The following ZNF846 variants were observed in gnomAD, a reference collection of about 807,000 sequenced individuals.
The protein encoded by ZNF846 is zinc finger protein 420 pseudogene.
A neutral mutation model predicts 16.0 loss-of-function variants in ZNF846; 15 were observed. The ratio of observed to expected loss-of-function variants is 0.94; its 90% confidence interval spans 0.63 to 1.45. ZNF846 has a LOEUF of 1.45. ZNF846 is among the 40% of genes most tolerant of loss of function. ZNF846 has a pLI of 0.00. For synonymous variants in ZNF846, 229 were observed against 212.0 expected (o/e 1.08, Z -0.70); for missense variants, 714 against 622.3 (o/e 1.15, Z -1.57).
intron 1 of ZNF846, chr19:9,774,558 C>T: frequency 6.7e-7 from 1 of 1,490,312 alleles, no homozygotes; most frequent in Non-Finnish European, 9.4e-7. Context: ...GGATGAAAAA[C>T]TTCCCGTAAC....
At chr19:9,771,768 CT>C (rs920913316), upstream of ZNF846, among the ~76,000 whole-genome samples, 77 of 145,038 alleles carry the variant, frequency 5.3e-4, no homozygotes, top group South Asian at 8.7e-4. Context: ...TGCAAGTGTC[CT>C]TTTTTTTTTT....
At chr19:9,775,246 A>C (rs2045428182) in intron 1 of ZNF846, among the ~76,000 whole-genome samples, 1 of 151,702 alleles carries the variant, frequency 6.6e-6, no homozygotes, top group Non-Finnish European at 1.5e-5. Context: ...TAAAAAACCA[A>C]ACTTTTTAAT....
At chr19:9,777,124 AGAAC>A (rs1192719386) in intron 1 of ZNF846, among the ~76,000 whole-genome samples, 1 of 150,650 alleles carries the variant, frequency 6.6e-6, no homozygotes, top group African/African-American at 2.5e-5. Flanking sequence ...AAGAAGAAGA[AGAAC>A]GAAAGAAAAC....
downstream of ZNF846, among the ~76,000 whole-genome samples, chr19:9,754,314 T>C (rs918196722): frequency 2.6e-5 from 4 of 151,450 alleles, no homozygotes; most frequent in African/African-American, 9.8e-5. Flanking sequence ...CCTGTAATCC[T>C]AGCACTTTGG....
chr19:9,763,644 T>C (rs2045266995), intron 2 of ZNF846, among the ~76,000 whole-genome samples: 1 of 152,240 alleles, frequency 6.6e-6, no homozygotes, highest in Non-Finnish European at 1.5e-5. Context: ...CTTCTGGCCT[T>C]AGTCCTCCTC....
At chr19:9,778,898 C>T (rs1275555646) in intron 1 of ZNF846, among the ~76,000 whole-genome samples, 1 of 151,800 alleles carries the variant, frequency 6.6e-6, no homozygotes. Flanking sequence ...CCCAACTCAG[C>T]CTCCCCAGTA....
intron 3 of ZNF846, among the ~76,000 whole-genome samples, chr19:9,763,080 C>G (rs546238379): frequency 2.7e-4 from 41 of 151,008 alleles, no homozygotes; most frequent in African/African-American, 9.5e-4. Context: ...GGAGGGGGGG[C>G]TTTGCAGTAA....
intron 1 of ZNF846, among the ~76,000 whole-genome samples, chr19:9,783,853 C>T (rs1056854956): frequency 2.6e-5 from 4 of 151,752 alleles, no homozygotes; most frequent in Non-Finnish European, 4.4e-5. Flanking sequence ...CTATGCTTGG[C>T]TAATTTTTAT....
intron 2 of ZNF846, 30 bp from the exon 3 acceptor site, chr19:9,763,438 C>A: frequency 6.4e-7 from 1 of 1,566,778 alleles, no homozygotes; most frequent in Non-Finnish European, 8.6e-7. Context: ...CCAGCTTCAG[C>A]TAAGTACCAT....
chr19:9,780,804 C>T (rs934383122), intron 1 of ZNF846, among the ~76,000 whole-genome samples: 4 of 152,176 alleles, frequency 2.6e-5, no homozygotes, highest in African/African-American at 9.7e-5. Context: ...AGACTCCAGA[C>T]ATACCAAAAT....
At chr19:9,781,587 C>A (rs1035011903) in intron 1 of ZNF846, among the ~76,000 whole-genome samples, 1 of 152,080 alleles carries the variant, frequency 6.6e-6, no homozygotes, top group African/African-American at 2.4e-5. Context: ...AGTCTAGACA[C>A]CTGCTTGTGG....
chr19:9,769,002 C>T (rs1344829606), upstream of ZNF846, among the ~76,000 whole-genome samples: 2 of 152,188 alleles, frequency 1.3e-5, no homozygotes, highest in East Asian at 3.9e-4. Flanking sequence ...GCGCAGCGGG[C>T]GGGGCACGCG....
chr19:9,764,737 G>T, intron 2 of ZNF846, 199 bp downstream of exon 2: 1 of 620,534 alleles, frequency 1.6e-6, no homozygotes, highest in Non-Finnish European at 2.9e-6. Context: ...TGGGCTGCTG[G>T]CCAGATCCCG....
At chr19:9,753,699 A>C (rs2045106553), downstream of ZNF846, among the ~76,000 whole-genome samples, 1 of 151,816 alleles carries the variant, frequency 6.6e-6, no homozygotes, top group South Asian at 2.1e-4. Flanking sequence ...TGCTTACAAT[A>C]AAATGTATTT....
intron 3 of ZNF846, among the ~76,000 whole-genome samples, chr19:9,762,934 C>T (rs1170326604): frequency 6.6e-6 from 1 of 151,824 alleles, no homozygotes; most frequent in Non-Finnish European, 1.5e-5. Flanking sequence ...CACCTGAGGT[C>T]AGAGTTTGAG....
chr19:9,758,579 C>A lies in ZNF846; in HGVS notation c.498G>T (p.Glu166Asp), dbSNP rs754385675. ...GTTTAACACACTTAGGCATTTTCCC[C>A]TCAGCATGACTTTTCTTGTAAAAAC... is the stretch of plus-strand genomic sequence containing the variant. The change falls in exon 6 of 6, where the codon GAG becomes GAT. Residue 166 changes from glutamate (E) to aspartate (D), a missense_variant. Glu to Asp is a conservative substitution (Grantham distance 45). Coordinates refer to ENST00000397902, the Ensembl canonical transcript of ZNF846. 4 of 1,612,498 alleles carry A rather than the reference C, an allele frequency of 2.5e-6. No homozygotes were observed. In the South Asian group the frequency reaches 4.4e-5, roughly 18 times the overall value.
At chr19:9,754,965 A>C (rs1256276357), downstream of ZNF846, among the ~76,000 whole-genome samples, 4 of 151,310 alleles carry the variant, frequency 2.6e-5, no homozygotes, top group African/African-American at 9.8e-5. Flanking sequence ...TCCCAGGTTC[A>C]AGCAATCCTC....
At chr19:9,775,054 G>A (rs2045424951) in intron 1 of ZNF846, 24 of 1,109,218 alleles carry the variant, frequency 2.2e-5, no homozygotes, top group Middle Eastern at 2.9e-4. Flanking sequence ...AAATTGACAC[G>A]TGCCACCGCC....
chr19:9,773,993 T>C (rs926265908), intron 1 of ZNF846, among the ~76,000 whole-genome samples: 1 of 152,100 alleles, frequency 6.6e-6, no homozygotes, highest in African/African-American at 2.4e-5. Flanking sequence ...TTATGTAGAA[T>C]AACATAAAGA....
Sources: allele counts gnomAD v4.1 joint callset (sites outside exome capture counted in the v4.1 genomes callset), GRCh38; gene constraint gnomAD v4.1.1; transcripts MANE v1.5; gene names NCBI Gene and HGNC (gene_info 2026-07-23, HGNC 2026-07-21).